Variants in NCAM1 observed in about 807,000 individuals in gnomAD.
NCAM1 encodes neural cell adhesion molecule 1, also known as antigen recognized by monoclonal antibody 5.1H11.
NCAM1 carries 14 observed loss-of-function variants against 109.8 expected under a neutral mutation model. That is an observed-to-expected ratio of 0.13 (90% CI 0.08 to 0.20). The LOEUF (loss-of-function observed/expected upper bound fraction) is 0.20, where lower values mean the gene tolerates loss of function less well. NCAM1 is among the 10% of genes least tolerant of loss of function. The probability of loss-of-function intolerance (pLI) is 1.00; values close to 1 mark genes in which losing one functional copy is unlikely to be tolerated. For missense variants in NCAM1, 774 were observed against 1,109.9 expected, an observed-to-expected ratio of 0.70 and a Z score of 4.30; for synonymous variants, 418 against 442.9, an observed-to-expected ratio of 0.94 and a Z score of 0.70.
chr11:112,989,121 G>A (rs1334899876), intron 1 of NCAM1, among the ~76,000 whole-genome samples: 1 of 152,078 alleles, frequency 6.6e-6, no homozygotes, highest in Admixed American at 6.6e-5. Flanking sequence ...GATCCTTTGA[G>A]CTTCATTAAT....
chr11:113,232,451 G>A, intron 11 of NCAM1, 97 bp downstream of exon 11: 1 of 1,282,226 alleles, frequency 7.8e-7, no homozygotes, highest in Middle Eastern at 2.0e-4. Context: ...TGCTTCTCTG[G>A]CACATCCTGA....
At chr11:113,123,557 G>C (rs1222850329) in intron 1 of NCAM1, among the ~76,000 whole-genome samples, 3 of 152,170 alleles carry the variant, frequency 2.0e-5, no homozygotes, top group African/African-American at 7.2e-5. Context: ...GACCATGGCT[G>C]CCATCCTCTC....
chr11:113,097,859 A>T (rs1438986629), intron 1 of NCAM1, among the ~76,000 whole-genome samples: 2 of 152,170 alleles, frequency 1.3e-5, no homozygotes, highest in African/African-American at 4.8e-5. Flanking sequence ...TAAGTGTATG[A>T]GAAAGAAAAC....
At chr11:113,263,029 C>T in intron 17 of NCAM1, 1 of 1,519,516 alleles carries the variant, frequency 6.6e-7, no homozygotes, top group Non-Finnish European at 8.8e-7. Context: ...GCCACAGCTG[C>T]TGAGCAACCA....
chr11:112,981,742 T>C (rs2298526), intron 1 of NCAM1, among the ~76,000 whole-genome samples: 69,498 of 151,624 alleles, frequency 0.46, 16,769 homozygotes, highest in East Asian at 0.8. Flanking sequence ...TTAAGGAATT[T>C]GAAGAATCTT....
chr11:113,015,356 C>G (rs527974066), intron 1 of NCAM1, among the ~76,000 whole-genome samples: 22 of 152,230 alleles, frequency 1.4e-4, no homozygotes, highest in African/African-American at 5.1e-4. Flanking sequence ...TGGACATAGA[C>G]CTGATTGACA....
intron 1 of NCAM1, among the ~76,000 whole-genome samples, chr11:113,178,506 C>T (rs1480985434): frequency 6.6e-6 from 1 of 152,198 alleles, no homozygotes; most frequent in African/African-American, 2.4e-5. Flanking sequence ...CCAGGCTGGT[C>T]TCGCCTCATA....
chr11:113,111,578 A>G (rs782056692), intron 1 of NCAM1, among the ~76,000 whole-genome samples: 2 of 152,194 alleles, frequency 1.3e-5, no homozygotes, highest in Non-Finnish European at 2.9e-5. Context: ...CTGTATCTTG[A>G]TTGTCGTGTG....
In NCAM1 at chr11:113,275,276, C is replaced by T. The variant is rs367916249; in HGVS notation, c.2466C>T (p.Pro822=). 1.2e-4 allele frequency: 194 copies of T among 1,613,506 alleles called. No individual in the cohort carries two copies. The highest frequency in any genetic ancestry group is 1.6e-4 in the Middle Eastern group (1 of 6,082). The change falls in exon 20 of 20, where the codon CCC becomes CCT. Residue 822 remains proline, a synonymous_variant. Coordinates refer to ENST00000316851, the MANE Select transcript of NCAM1 (RefSeq NM_181351.5). The part of the protein sequence containing the change: ...TTPLTEPEKG[P]VEAKPECQET... ...TCCTGATTCTCTGCAGGAAGGGCCCCGTAGAAGCAAAGCCAGAGTGCCAGG... is the reference window on the plus strand; with the variant it reads ...TCCTGATTCTCTGCAGGAAGGGCCCTGTAGAAGCAAAGCCAGAGTGCCAGG...
chr11:113,245,140 C>G (rs1387720652), intron 14 of NCAM1, among the ~76,000 whole-genome samples: 2 of 151,908 alleles, frequency 1.3e-5, no homozygotes, highest in Non-Finnish European at 2.9e-5. Flanking sequence ...TCAGTGCAAC[C>G]ACGATTCTAA....
chr11:113,046,777 T>C (rs754565996), intron 1 of NCAM1, among the ~76,000 whole-genome samples: 5 of 133,446 alleles, frequency 3.7e-5, no homozygotes, highest in Non-Finnish European at 6.4e-5. Context: ...GATAGAATAA[T>C]AGATGAAAGA....
At chr11:113,211,777 G>A (rs554235507) in intron 7 of NCAM1, among the ~76,000 whole-genome samples, 1 of 152,306 alleles carries the variant, frequency 6.6e-6, no homozygotes, top group African/African-American at 2.4e-5. Flanking sequence ...GGGATGCAGG[G>A]GCCTCGGGGC....
intron 1 of NCAM1, among the ~76,000 whole-genome samples, chr11:113,172,131 C>T (rs965143302): frequency 6.6e-6 from 1 of 152,214 alleles, no homozygotes; most frequent in African/African-American, 2.4e-5. Context: ...AGGAATTTCT[C>T]TTTACCCTGC....
chr11:113,022,186 A>G (rs1952406227), intron 1 of NCAM1, among the ~76,000 whole-genome samples: 1 of 152,166 alleles, frequency 6.6e-6, no homozygotes, highest in Non-Finnish European at 1.5e-5. Context: ...TAATGCACTC[A>G]ATACAAACAC....
At chr11:113,162,675 A>G (rs1555104617) in intron 1 of NCAM1, among the ~76,000 whole-genome samples, 1 of 152,182 alleles carries the variant, frequency 6.6e-6, no homozygotes, top group African/African-American at 2.4e-5. Flanking sequence ...GAAAAAAATG[A>G]ATGTGGGACT....
chr11:113,233,336 T>A lies in NCAM1; in HGVS notation c.1693+19T>A, dbSNP rs913821185. 3 of 1,606,392 alleles carry A rather than the reference T, an allele frequency of 1.9e-6. No individual in the cohort carries two copies. The highest frequency in any genetic ancestry group is 2.6e-6 in the Non-Finnish European group (3 of 1,176,268). ...AAGGAAGGTGAGTTGGGCGAGTTGG[T>A]GTTTCCATTGGGATCATGAGTGCCT... is the stretch of plus-strand genomic sequence containing the variant. On this transcript the variant is annotated intron_variant, in intron 13 of 19. Coordinates refer to ENST00000316851, the MANE Select transcript of NCAM1 (RefSeq NM_181351.5). The surrounding 1 kb of genome is among the most constrained non-coding windows in gnomAD (Gnocchi z 4.5).
chr11:113,045,712 C>T (rs185256067), intron 1 of NCAM1, among the ~76,000 whole-genome samples: 1 of 152,130 alleles, frequency 6.6e-6, no homozygotes, highest in Non-Finnish European at 1.5e-5. Context: ...ATGATGGATT[C>T]AGAATGGATA....
chr11:113,186,339 A>T (rs1020895261), intron 1 of NCAM1, among the ~76,000 whole-genome samples: 13 of 152,178 alleles, frequency 8.5e-5, no homozygotes, highest in Admixed American at 3.9e-4. Flanking sequence ...CTAATGCCTG[A>T]TGATCACAGC....
At chr11:113,052,850 T>A (rs548141485) in intron 1 of NCAM1, among the ~76,000 whole-genome samples, 1 of 152,224 alleles carries the variant, frequency 6.6e-6, no homozygotes, top group Admixed American at 6.5e-5. Context: ...TCCCTCCCCT[T>A]ACCACCCACC....
Sources: allele counts gnomAD v4.1 joint callset (sites outside exome capture counted in the v4.1 genomes callset), GRCh38; gene constraint gnomAD v4.1.1; non-coding constraint Gnocchi (gnomAD v3.1); transcripts MANE v1.5; gene names NCBI Gene and HGNC (gene_info 2026-07-23, HGNC 2026-07-21).